The following EFCAB6 variants were observed in gnomAD, a reference collection of about 807,000 sequenced individuals.
EFCAB6 encodes EF-hand calcium-binding domain-containing protein 6.
A neutral mutation model predicts 169.8 loss-of-function variants in EFCAB6; 156 were observed. The ratio of observed to expected loss-of-function variants is 0.92; its 90% CI spans 0.81 to 1.05. The LOEUF (loss-of-function observed/expected upper bound fraction) is 1.05. EFCAB6 is among the 50% of genes least tolerant of loss of function. The pLI is 0.00. For missense variants in EFCAB6, 1,800 were observed against 1,829.1 expected, an observed-to-expected ratio of 0.98 and a Z score of 0.29; for synonymous variants, 698 against 676.4, an observed-to-expected ratio of 1.03 and a Z score of -0.50.
intron 8 of EFCAB6, among the ~76,000 whole-genome samples, chr22:43,721,783 T>C (rs1464721056): frequency 6.6e-6 from 1 of 152,034 alleles, no homozygotes; most frequent in Non-Finnish European, 1.5e-5. Flanking sequence ...CCTCAAACTA[T>C]AAAAATCTAG....
intron 5 of EFCAB6, among the ~76,000 whole-genome samples, chr22:43,757,279 G>A (rs2060990589): frequency 6.6e-6 from 1 of 152,220 alleles, no homozygotes; most frequent in South Asian, 2.1e-4. Flanking sequence ...CAAGCATGGT[G>A]GCTCACGCCT....
chr22:43,683,227 T>C (rs531272845), intron 12 of EFCAB6, among the ~76,000 whole-genome samples: 1 of 152,302 alleles, frequency 6.6e-6, no homozygotes, highest in South Asian at 2.1e-4. Flanking sequence ...TAAAACAATA[T>C]TAAAGTCAGA....
At chr22:43,656,967 C>T (rs892298178) in intron 17 of EFCAB6, among the ~76,000 whole-genome samples, 14 of 152,218 alleles carry the variant, frequency 9.2e-5, no homozygotes, top group Non-Finnish European at 2.1e-4. Context: ...AGAGAACACA[C>T]GTTCTTTTCC....
At chr22:43,545,151 G>GA (rs1372069682) in intron 27 of EFCAB6, among the ~76,000 whole-genome samples, 4 of 151,330 alleles carry the variant, frequency 2.6e-5, no homozygotes, top group Non-Finnish European at 5.9e-5. Context: ...CATCTCAAAA[G>GA]AAAAAAAAGC....
chr22:43,661,112 C>T (rs1166060007), intron 17 of EFCAB6, among the ~76,000 whole-genome samples: 2 of 152,172 alleles, frequency 1.3e-5, no homozygotes, highest in Admixed American at 6.5e-5. Flanking sequence ...CGGTGGCTCA[C>T]ATCTGTAATC....
chr22:43,534,573 C>T (rs1003386816), intron 30 of EFCAB6, 115 bp downstream of exon 30: 10 of 998,370 alleles, frequency 1.0e-5, no homozygotes, highest in African/African-American at 5.0e-5. Flanking sequence ...TGCAGTGAAC[C>T]GTGAACCACT....
chr22:43,769,682 T>A (rs1234148237), intron 4 of EFCAB6, among the ~76,000 whole-genome samples: 4 of 152,028 alleles, frequency 2.6e-5, no homozygotes, highest in Non-Finnish European at 5.9e-5. Context: ...AGTCATCAGA[T>A]GGGACAGAGG....
At chr22:43,799,888 C>G (rs2062642668) in intron 2 of EFCAB6, among the ~76,000 whole-genome samples, 2 of 152,142 alleles carry the variant, frequency 1.3e-5, no homozygotes, top group South Asian at 4.1e-4. Context: ...AAATTTTCCC[C>G]CAATTCACTG....
In EFCAB6 at chr22:43,672,141, T is replaced by C. The variant is rs777259837; in HGVS notation, c.1480-8A>G. ...ATGAACAATTTCTTCCACCTAACAT[T>C]AAAAAACAAACATATTTCCTAAGCC... On this transcript the variant is annotated splice_polypyrimidine_tract_variant and splice_region_variant and intron_variant, in intron 14 of 31. Transcript: ENST00000262726. 2.5e-6 allele frequency: 4 copies of C among 1,612,804 alleles called. No homozygotes were observed. The East Asian group carries it at 8.9e-5, about 36-fold the overall frequency.
At chr22:43,732,028 A>G (rs2059970531) in intron 7 of EFCAB6, among the ~76,000 whole-genome samples, 1 of 152,092 alleles carries the variant, frequency 6.6e-6, no homozygotes, top group Non-Finnish European at 1.5e-5. Context: ...AGATGGATGC[A>G]TAGAAATTAG....
intron 6 of EFCAB6, among the ~76,000 whole-genome samples, chr22:43,745,991 C>A (rs974435134): frequency 6.6e-6 from 1 of 152,240 alleles, no homozygotes; most frequent in Non-Finnish European, 1.5e-5. Flanking sequence ...CATCTGTTTA[C>A]ACTCTGCAGA....
chr22:43,687,483 G>C lies in EFCAB6; in HGVS notation c.1130C>G (p.Thr377Arg), dbSNP rs750073983. The change falls in exon 11 of 32, where the codon ACA becomes AGA. Residue 377 changes from threonine to arginine, a missense_variant. Coordinates refer to ENST00000262726, the MANE Select transcript of EFCAB6 (RefSeq NM_022785.4). ...TTTTTTTACATACCTATTTCTTTTT[G>C]TCAGGGGACCTTTACTGCTAACTTG... is the stretch of plus-strand genomic sequence containing the variant. Reference protein sequence around the residue: ...GLQVSSKGPLTKRNSINSRNE... With the variant: ...GLQVSSKGPLRKRNSINSRNE... The C allele has an allele frequency of 1.6e-5, 11 of 709,034 alleles. No individual in the cohort carries two copies. Among genetic ancestry groups the C allele is most frequent in the Admixed American group, 4.3e-5 (1 of 23,416 alleles). The allele number at this position is 709,034 out of a possible 1,614,324, so 43.9% of individuals were successfully genotyped here. A position where few individuals can be genotyped will look rare whatever the true frequency, so the allele number is the denominator to read the frequency against.
chr22:43,653,508 C>T (rs1288294180), intron 17 of EFCAB6, among the ~76,000 whole-genome samples: 2 of 152,156 alleles, frequency 1.3e-5, no homozygotes, highest in Admixed American at 1.3e-4. Context: ...TCACCTCTGA[C>T]ATGTAAACAG....
At chr22:43,607,955 C>T (rs1385226622) in intron 22 of EFCAB6, among the ~76,000 whole-genome samples, 1 of 152,210 alleles carries the variant, frequency 6.6e-6, no homozygotes, top group African/African-American at 2.4e-5. Context: ...ATGGAACCAA[C>T]ATCGGATAAA....
chr22:43,594,050 C>A (rs932547825), intron 23 of EFCAB6, among the ~76,000 whole-genome samples: 1 of 151,874 alleles, frequency 6.6e-6, no homozygotes, highest in African/African-American at 2.4e-5. Context: ...CCGAGGTGGG[C>A]GGATCACCTG....
chr22:43,615,022 G>A (rs111839295), intron 21 of EFCAB6, among the ~76,000 whole-genome samples: 3,000 of 152,324 alleles, frequency 0.02, 101 homozygotes, highest in African/African-American at 0.069. Context: ...AGTCCCTGGA[G>A]GTTAGCAGGA....
intron 5 of EFCAB6, among the ~76,000 whole-genome samples, chr22:43,764,485 TAGTGCTGCG>T (rs2061264895): frequency 6.6e-6 from 1 of 152,232 alleles, no homozygotes; most frequent in African/African-American, 2.4e-5. Context: ...CTACTGTGAC[TAGTGCTGCG>T]ATGAACATAT....
intron 6 of EFCAB6, among the ~76,000 whole-genome samples, chr22:43,746,139 C>T (rs1444655115): frequency 2.0e-5 from 3 of 152,160 alleles, no homozygotes; most frequent in Non-Finnish European, 2.9e-5. Context: ...AAGCGGGGGC[C>T]GGGCATCGCT....
chr22:43,682,369 T>C (rs2058039440), intron 12 of EFCAB6, among the ~76,000 whole-genome samples: 1 of 152,196 alleles, frequency 6.6e-6, no homozygotes, highest in Non-Finnish European at 1.5e-5. Flanking sequence ...TGATCTCAAG[T>C]TGAATAGCAC....
Sources: gnomAD v4.1 joint callset for allele counts (sites outside exome capture counted in the v4.1 genomes callset) on GRCh38, gnomAD v4.1.1 for gene constraint, MANE v1.5 for transcripts, NCBI Gene and HGNC (gene_info 2026-07-23, HGNC 2026-07-21) for gene names.